ARHGAP30: variants seen among roughly 807,000 people sequenced by gnomAD.
ARHGAP30 encodes Rho GTPase activating protein 30.
Under a neutral mutation model 72.0 loss-of-function variants are expected in ARHGAP30, and 23 were observed. The ratio of observed to expected loss-of-function variants is 0.32; its 90% CI spans 0.23 to 0.45. ARHGAP30 has a LOEUF of 0.45. Ranked by LOEUF, ARHGAP30 falls within the 20% of genes least tolerant of loss-of-function variation. ARHGAP30 has a pLI of 1.00. For missense variants in ARHGAP30, 1,319 were observed against 1,383.4 expected, an observed-to-expected ratio of 0.95 and a Z score of 0.74; for synonymous variants, 576 against 528.2, an observed-to-expected ratio of 1.09 and a Z score of -1.24.
rs1488682469 is a variant in ARHGAP30 at position 161,047,073 on chromosome 1, G to GC, written c.*641_*642insG. The GC allele has an allele frequency of 2.2e-6, 1 of 446,322 alleles. No homozygotes were observed. Among genetic ancestry groups the GC allele is most frequent in the Non-Finnish European group, 4.6e-6 (1 of 218,736 alleles). 27.6% of individuals were successfully genotyped at this position (446,322 alleles called of 1,614,324 possible). A position where few individuals can be genotyped will look rare whatever the true frequency, so the allele number is the denominator to read the frequency against. On this transcript the variant is annotated 3_prime_UTR_variant, in exon 12 of 12. Transcript: ENST00000368013. The stretch of plus-strand genomic sequence containing the variant: ...TTTCCCTTTCCTGAAATAGGAACAA[G>GC]TTATTCCAAAGGAGAAAGGAGAGCC...
chr1:161,048,689 C>T lies in ARHGAP30; in HGVS notation c.2332G>A (p.Val778Ile), dbSNP rs748854826. The change falls in exon 12 of 12, where the codon GTT becomes ATT. Residue 778 changes from valine to isoleucine, a missense_variant. By Grantham distance (29) the Val-to-Ile change is conservative (BLOSUM62 3). Transcript: ENST00000368013. ...DLEQGAQEDQ[V>I]AEEKWEVVQK... ...ACAACTTCCCATTTCTCCTCAGCAACTTGATCTTCCTGGGCCCCTTGCTCT... is the reference window on the plus strand; with the variant it reads ...ACAACTTCCCATTTCTCCTCAGCAATTTGATCTTCCTGGGCCCCTTGCTCT... 8.7e-6 allele frequency: 14 copies of T among 1,614,160 alleles called. No homozygotes were observed. The highest frequency in any genetic ancestry group is 4.5e-5 in the East Asian group (2 of 44,874).
intron 2 of ARHGAP30, among the ~76,000 whole-genome samples, chr1:161,057,051 C>T (rs1020559407): frequency 2.0e-5 from 3 of 152,088 alleles, no homozygotes; most frequent in African/African-American, 7.2e-5. Context: ...GAAGACAACC[C>T]ACAAAATGGG....
At chr1:161,064,563 A>C (rs1652547568) in intron 1 of ARHGAP30, among the ~76,000 whole-genome samples, 1 of 152,058 alleles carries the variant, frequency 6.6e-6, no homozygotes, top group Non-Finnish European at 1.5e-5. Flanking sequence ...GTTCAAGAAC[A>C]GCCTGGGTAG....
intron 4 of ARHGAP30, 44 bp from the exon 5 acceptor site, chr1:161,054,517 C>T: frequency 6.2e-7 from 1 of 1,605,354 alleles, no homozygotes; most frequent in Non-Finnish European, 8.5e-7. Flanking sequence ...ATGCCCAGGG[C>T]AGGCATTAGG....
At chr1:161,066,644 CAAAA>C (rs60662116) in intron 1 of ARHGAP30, among the ~76,000 whole-genome samples, 98 of 75,072 alleles carry the variant, frequency 1.3e-3, no homozygotes, top group Admixed American at 2.1e-3. Flanking sequence ...GACTGCATCT[CAAAA>C]AAAAAAAAAA....
chr1:161,062,523 G>A (rs1652385780), intron 1 of ARHGAP30, among the ~76,000 whole-genome samples: 1 of 151,980 alleles, frequency 6.6e-6, no homozygotes, highest in African/African-American at 2.4e-5. Flanking sequence ...GAGGTTTAGA[G>A]TTTGAGACCA....
At chr1:161,057,504 G>A (rs944747250) in intron 2 of ARHGAP30, among the ~76,000 whole-genome samples, 1 of 152,080 alleles carries the variant, frequency 6.6e-6, no homozygotes, top group African/African-American at 2.4e-5. Context: ...CAGGGGAGGC[G>A]GCTCATGCCT....
chr1:161,062,264 C>T (rs1386380380), intron 1 of ARHGAP30, among the ~76,000 whole-genome samples: 1 of 152,138 alleles, frequency 6.6e-6, no homozygotes, highest in African/African-American at 2.4e-5. Context: ...ATAAACTCCT[C>T]AACCTGGTAT....
At position 161,049,697 on chromosome 1, in the gene ARHGAP30, G is replaced by A. The variant is rs2102029268; in HGVS notation, c.1421-8C>T. The A allele has an allele frequency of 6.2e-7, 1 of 1,611,126 alleles. No individual in the cohort carries two copies. Among genetic ancestry groups the A allele is most frequent in the East Asian group, 2.2e-5 (1 of 44,870 alleles). ...TTGCTTCCAACTTTTCATCTGTTGG[G>A]GGAGAAGTAGTCCCAGGAATACAAA... On this transcript the variant is annotated splice_polypyrimidine_tract_variant and splice_region_variant and intron_variant, in intron 10 of 11. Transcript: ENST00000368013.
Position 161,049,093 on chromosome 1 carries a change from T to A in ARHGAP30, c.1928A>T (p.Gln643Leu). ...CTCTTCCCCACCCTGTCCCAGAGCC[T>A]GCCTTCCACATCCTGCTGCCTCTCC... ...LEGEAAGCGR[Q>L]ALGQGGEEQA... Residue 643 changes from glutamine (Q) to leucine (L), a missense_variant, in exon 12 of 12, where the codon CAG becomes CTG. Physicochemically the swap from Gln to Leu is moderately radical, Grantham distance 113. Around this residue, in one of 2 missense-constraint regions of ARHGAP30, gnomAD observed 1,097 missense variants for 1,045.2 expected, o/e 1.05. Transcript: ENST00000368013. The A allele has an allele frequency of 1.2e-6, 2 of 1,614,116 alleles. No homozygotes were observed. The highest frequency in any genetic ancestry group is 1.7e-6 in the Non-Finnish European group (2 of 1,180,004).
Position 161,051,317 on chromosome 1 carries a change from G to C in ARHGAP30, c.1417C>G (p.Pro473Ala), listed in dbSNP as rs779091840. Residue 473 changes from proline to alanine, a missense_variant, in exon 10 of 12, where the codon CCA becomes GCA. This residue lies in a region of ARHGAP30 where 1,097 missense variants were observed against 1,045.2 expected (regional missense o/e 1.05). Transcript: ENST00000368013. ...GPGPGLGPGP[P>A]DEKLEASPAS... The stretch of plus-strand genomic sequence containing the variant: ...TGGTCAATCAATGGGTCCTCACCTG[G>C]GGGGCCAGGGCCAAGGCCAGGGCCA... 5 of 1,595,862 alleles carry C rather than the reference G, an allele frequency of 3.1e-6. No homozygotes were observed. The highest frequency in any genetic ancestry group is 4.3e-6 in the Non-Finnish European group (5 of 1,170,946).
intron 5 of ARHGAP30, among the ~76,000 whole-genome samples, chr1:161,054,027 C>T (rs951286677): frequency 6.6e-5 from 10 of 152,108 alleles, no homozygotes; most frequent in Middle Eastern, 3.2e-3. Context: ...GAGATCGCAC[C>T]GCTGCTCTCC....
At chr1:161,064,824 AAAGAAAG>A (rs1652613323) in intron 1 of ARHGAP30, among the ~76,000 whole-genome samples, 2 of 50,518 alleles carry the variant, frequency 4.0e-5, no homozygotes, top group South Asian at 4.8e-4. Flanking sequence ...AGAAAGAAAG[AAAGAAAG>A]AGAAAGAAAG....
chr1:161,062,682 T>C (rs1652401441), intron 1 of ARHGAP30, among the ~76,000 whole-genome samples: 1 of 151,570 alleles, frequency 6.6e-6, no homozygotes, highest in Non-Finnish European at 1.5e-5. Flanking sequence ...TGAGCTGAGA[T>C]TGCACCACTG....
Position 161,055,832 on chromosome 1 carries a change from TAAAATAAAATAAATAAAATAAAATA to T in ARHGAP30, c.345+531_345+555del, listed in dbSNP as rs1557926253. ...TAAAATAAAATAAAATAAAATAAAA[TAAAATAAAATAAATAAAATAAAATA>T]AATAAAATAAAATAAAATAAAATAA... On this transcript the variant is annotated intron_variant, in intron 3 of 11. Transcript: ENST00000368013. 4.3e-5 allele frequency among the ~76,000 whole-genome samples: 5 copies of T among 116,846 alleles called. 1 individual carries two copies. Among genetic ancestry groups the T allele is most frequent in the Non-Finnish European group, 8.3e-5 (5 of 60,030 alleles). The allele number at this position is 116,846 out of a possible 152,430, so 76.7% of individuals were successfully genotyped here. A position where few individuals can be genotyped will look rare whatever the true frequency, so the allele number is the denominator to read the frequency against.
chr1:161,059,309 G>A (rs557862659), intron 2 of ARHGAP30, among the ~76,000 whole-genome samples: 2 of 151,084 alleles, frequency 1.3e-5, no homozygotes, highest in African/African-American at 2.4e-5. Flanking sequence ...GATTACAAGC[G>A]TGAGCCACCG....
intron 2 of ARHGAP30, among the ~76,000 whole-genome samples, chr1:161,058,272 A>G (rs908512928): frequency 6.6e-6 from 1 of 151,428 alleles, no homozygotes; most frequent in African/African-American, 2.4e-5. Flanking sequence ...AGATCACGCC[A>G]CTGCACTACA....
chr1:161,068,455 G>A (rs779203161), intron 1 of ARHGAP30, among the ~76,000 whole-genome samples: 26 of 152,248 alleles, frequency 1.7e-4, no homozygotes, highest in Non-Finnish European at 2.9e-4. Context: ...GCAGGGGCGG[G>A]GCTAAGAGCA....
chr1:161,052,454 C>T lies in ARHGAP30; in HGVS notation c.926G>A (p.Gly309Glu). The T allele has an allele frequency of 6.2e-7, 1 of 1,613,952 alleles. No homozygotes were observed. Among genetic ancestry groups the T allele is most frequent in the Non-Finnish European group, 8.5e-7 (1 of 1,180,000 alleles). The change falls in exon 8 of 12, where the codon GGG becomes GAG. Residue 309 changes from glycine to glutamate, a missense_variant. Gly to Glu is a moderately conservative substitution (Grantham distance 98). Transcript: ENST00000368013. ...CCCAGACTTACCCCTGTCCTCAGCC[C>T]CCCGTGGAAGTTTACGCTTAGTCTC... ...GHETKRKLPR[G>E]AEDREDKSNK...
Sources: allele counts gnomAD v4.1 joint callset (sites outside exome capture counted in the v4.1 genomes callset), GRCh38; gene constraint gnomAD v4.1.1; regional missense constraint gnomAD v4.1.1; transcripts MANE v1.5; gene names NCBI Gene and HGNC (gene_info 2026-07-23, HGNC 2026-07-21).